ICE2: variants seen among roughly 807,000 people sequenced by gnomAD.
The protein encoded by ICE2 is little elongation complex subunit 2.
In ICE2, 87 loss-of-function variants were observed where a neutral mutation model predicts 105.4. The ratio of observed to expected loss-of-function variants is 0.83; its 90% CI spans 0.69 to 0.99. The LOEUF (loss-of-function observed/expected upper bound fraction) is 0.99. Ranked by LOEUF, ICE2 falls within the 50% of genes least tolerant of loss-of-function variation. The pLI, the probability that ICE2 is intolerant of heterozygous loss-of-function variation, is 0.00. For synonymous variants in ICE2, 399 were observed against 392.0 expected, an observed-to-expected ratio of 1.02 and a Z score of -0.21; for missense variants, 1,323 against 1,146.7, an observed-to-expected ratio of 1.15 and a Z score of -2.22.
Position 60,449,079 on chromosome 15 carries a change from C to G in ICE2, c.1888G>C (p.Val630Leu), listed in dbSNP as rs1346998379. ...ACTCGTTTGATAGGTTTTTTTAAAA[C>G]ACATGACTCTTCAGGACTACAAGCA... is the stretch of plus-strand genomic sequence containing the variant. ...NTACSPEESC[V>L]LKKPIKRVYK... is the part of the protein sequence containing the mutation. Residue 630 changes from valine to leucine, a missense_variant, in exon 10 of 16, where the codon GTT (valine) becomes CTT (leucine). Coordinates refer to ENST00000261520, the MANE Select transcript of ICE2 (RefSeq NM_024611.6). 1 of 1,613,792 alleles carries G rather than the reference C, an allele frequency of 6.2e-7. No homozygotes were observed. The highest frequency in any genetic ancestry group is 1.7e-5 in the Admixed American group (1 of 59,990).
At chr15:60,466,540 T>G in intron 5 of ICE2, 54 bp downstream of exon 5, 2 of 1,590,838 alleles carry the variant, frequency 1.3e-6, no homozygotes, top group African/African-American at 2.7e-5. Context: ...TATTTCAGAA[T>G]GCTGCTATTG....
chr15:60,468,847 T>A (rs1186925684), intron 3 of ICE2, among the ~76,000 whole-genome samples: 1 of 152,230 alleles, frequency 6.6e-6, no homozygotes, highest in Non-Finnish European at 1.5e-5. Flanking sequence ...ATGCACCATA[T>A]TTTTTGAAAG....
rs999661043 is a variant in ICE2 at position 60,454,460 on chromosome 15, G to C, written c.943+543C>G. On this transcript the variant is annotated intron_variant, in intron 8 of 15. Coordinates refer to ENST00000261520, the MANE Select transcript of ICE2 (RefSeq NM_024611.6). ...AACCTGACCATTTCATGTATTTCTTGGCCACCCTATGCCATCATTTTGTCT... is the reference window on the plus strand; with the variant it reads ...AACCTGACCATTTCATGTATTTCTTCGCCACCCTATGCCATCATTTTGTCT... Among the ~76,000 whole-genome samples, 8 of 151,874 alleles carry C rather than the reference G, an allele frequency of 5.3e-5. No homozygotes were observed. Among genetic ancestry groups the C allele is most frequent in the Admixed American group, 4.6e-4 (7 of 15,250 alleles).
intron 2 of ICE2, among the ~76,000 whole-genome samples, chr15:60,477,210 C>T (rs948433228): frequency 2.0e-5 from 3 of 152,154 alleles, no homozygotes; most frequent in African/African-American, 7.2e-5. Flanking sequence ...GTATCTGTGA[C>T]ATCTCAATAA....
intron 15 of ICE2, among the ~76,000 whole-genome samples, chr15:60,428,201 G>A (rs1397716919): frequency 6.6e-6 from 1 of 152,140 alleles, no homozygotes. Flanking sequence ...CAAGCTAAGA[G>A]AGTTTTCTTT....
intron 8 of ICE2, 92 bp downstream of exon 8, chr15:60,454,911 T>G (rs2064061457): frequency 2.6e-6 from 3 of 1,158,558 alleles, no homozygotes; most frequent in Non-Finnish European, 3.6e-6. Flanking sequence ...TGGGTCCATG[T>G]GTTCTCATTG....
chr15:60,433,514 T>C (rs1438234272), intron 13 of ICE2, among the ~76,000 whole-genome samples: 1 of 151,936 alleles, frequency 6.6e-6, no homozygotes, highest in Non-Finnish European at 1.5e-5. Context: ...TTTTTTGAGA[T>C]GAGTCTTGCT....
rs186659431 is a variant in ICE2 at position 60,432,752 on chromosome 15, C to G, written c.2511-768G>C. ...CTAAAAATACAAAAAATTAGCCAGG[C>G]GTGGTGGCGGGCATCTGTAGTCCCA... On this transcript the variant is annotated intron_variant, in intron 13 of 15. Transcript: ENST00000261520. Among the ~76,000 whole-genome samples the G allele has an allele frequency of 6.6e-3, 999 of 151,730 alleles. 8 individuals are homozygous for G. Among genetic ancestry groups the G allele is most frequent in the African/African-American group, 0.023 (972 of 41,438 alleles).
chr15:60,463,780 GAAAA>G (rs961164911), intron 5 of ICE2, among the ~76,000 whole-genome samples: 2 of 150,826 alleles, frequency 1.3e-5, no homozygotes, highest in Admixed American at 6.6e-5. Flanking sequence ...CTTAAAAAAA[GAAAA>G]AAAAATCCCA....
In ICE2 at chr15:60,455,434, T is replaced by G. The variant is rs764929006; in HGVS notation, c.675A>C (p.Val225=). ...AGGGAAATACTGTTTTCACATATTT[T>G]ACACTGCCCTAAATATGAAAAAAAA... ...LEKTLLALGS[V]KYVKTVFPSM... is the part of the protein sequence containing the mutation. Residue 225 remains valine, a synonymous_variant, in exon 7 of 16, where the codon GTA becomes GTC. Transcript: ENST00000261520. 6.2e-7 allele frequency: 1 copy of G among 1,602,826 alleles called. No individual in the cohort carries two copies. The highest frequency in any genetic ancestry group is 8.5e-7 in the Non-Finnish European group (1 of 1,170,644).
rs138320284 is a variant in ICE2 at position 60,453,580 on chromosome 15, G to A, written c.1125+23C>T. ...GGATAAACAAGTACATTCCCCTTAG[G>A]GGAAAAAAAAAGCATTACATACGTC... is the stretch of plus-strand genomic sequence containing the variant. On this transcript the variant is annotated intron_variant, in intron 9 of 15. Coordinates refer to ENST00000261520, the MANE Select transcript of ICE2 (RefSeq NM_024611.6). 497 of 1,608,960 alleles carry A rather than the reference G, an allele frequency of 3.1e-4. 4 individuals carry two copies. In the African/African-American group the frequency reaches 5.4e-3, roughly 18 times the overall value.
intron 15 of ICE2, among the ~76,000 whole-genome samples, chr15:60,424,878 A>G (rs2063307669): frequency 6.6e-6 from 1 of 152,208 alleles, no homozygotes. Flanking sequence ...AAAAACAGTA[A>G]TGGAGAAGGC....
chr15:60,435,258 G>C (rs554784971), intron 13 of ICE2, among the ~76,000 whole-genome samples: 110 of 150,590 alleles, frequency 7.3e-4, no homozygotes, highest in Non-Finnish European at 1.3e-3. Context: ...TCCAGCCTGG[G>C]CAACAGAGCG....
At position 60,445,921 on chromosome 15, in the gene ICE2, C is replaced by T. The variant is rs886582412; in HGVS notation, c.2295+2049G>A. 17 of 250,850 alleles carry T rather than the reference C, an allele frequency of 6.8e-5. No individual in the cohort carries two copies. The Admixed American group carries it at 7.8e-4, about 11-fold the overall frequency. The allele number at this position is 250,850 out of a possible 1,614,324, so 15.5% of individuals were successfully genotyped here. The stretch of plus-strand genomic sequence containing the variant: ...AACCTTGAAAATACAATCTATAGGA[C>T]TGATACTATATGTATTCATGATGTT... On this transcript the variant is annotated intron_variant, in intron 11 of 15. Transcript: ENST00000261520.
intron 9 of ICE2, among the ~76,000 whole-genome samples, chr15:60,450,575 C>T (rs567989269): frequency 4.1e-4 from 62 of 152,164 alleles, no homozygotes; most frequent in Non-Finnish European, 7.9e-4. Context: ...ACTTTAAATA[C>T]CATAGAAATT....
chr15:60,433,404 A>T (rs1473905106), intron 13 of ICE2, among the ~76,000 whole-genome samples: 1 of 151,934 alleles, frequency 6.6e-6, no homozygotes, highest in African/African-American at 2.4e-5. Flanking sequence ...TATTTAAAAA[A>T]TTTCTTTAGT....
In ICE2 at chr15:60,449,457, G is replaced by C; in HGVS notation, c.1510C>G (p.Gln504Glu). Residue 504 changes from glutamine (Q) to glutamate (E), a missense_variant, in exon 10 of 16, where the codon CAA becomes GAA. By Grantham distance (29) the Gln-to-Glu change is conservative (BLOSUM62 2). Transcript: ENST00000261520. Reference sequence around the variant, plus strand: ...TCAGATGTTTTCAAGTCACTATCTTGTATCAAAGGCTTGTCAGAATTTGAT... The same window carrying C: ...TCAGATGTTTTCAAGTCACTATCTTCTATCAAAGGCTTGTCAGAATTTGAT... Reference protein sequence around the residue: ...KVSNSDKPLIQDSDLKTSDAL... With the variant: ...KVSNSDKPLIEDSDLKTSDAL... 1 of 1,614,038 alleles carries C rather than the reference G, an allele frequency of 6.2e-7. No homozygotes were observed. The highest frequency in any genetic ancestry group is 1.3e-5 in the African/African-American group (1 of 75,022).
chr15:60,456,859 A>T (rs1470672580), intron 5 of ICE2, 65 bp from the exon 6 acceptor site: 13 of 1,012,330 alleles, frequency 1.3e-5, no homozygotes, highest in Non-Finnish European at 1.8e-5. Context: ...GAAAATTTTT[A>T]GTTACATGTG....
In ICE2 at chr15:60,450,452, T is replaced by C. The variant is rs949057697; in HGVS notation, c.1126-611A>G. 2.6e-5 allele frequency among the ~76,000 whole-genome samples: 4 copies of C among 152,236 alleles called. No homozygotes were observed. The South Asian group carries it at 6.2e-4, about 24-fold the overall frequency. ...ATGAAGTCATAAATATTGTTTTTCA[T>C]GTACTGTTTTGGTAATGGAAAAACT... On this transcript the variant is annotated intron_variant, in intron 9 of 15. Coordinates refer to ENST00000261520, the MANE Select transcript of ICE2 (RefSeq NM_024611.6).
Sources: gnomAD v4.1 joint callset for allele counts (sites outside exome capture counted in the v4.1 genomes callset) on GRCh38, gnomAD v4.1.1 for gene constraint, MANE v1.5 for transcripts, NCBI Gene and HGNC (gene_info 2026-07-23, HGNC 2026-07-21) for gene names.